The following HIBCH variants were observed in gnomAD, a reference collection of about 807,000 sequenced individuals.
HIBCH encodes 3-hydroxyisobutyryl-CoA hydrolase, mitochondrial.
In HIBCH, 50 loss-of-function variants were observed where a neutral mutation model predicts 58.2. That is an observed-to-expected ratio of 0.86 (90% confidence interval 0.68 to 1.09). The LOEUF (loss-of-function observed/expected upper bound fraction) is 1.09. Ranked by LOEUF, HIBCH falls within the 50% of genes least tolerant of loss-of-function variation. The pLI is 0.00. For missense variants in HIBCH, 450 were observed against 449.7 expected, an observed-to-expected ratio of 1.00 and a Z score of -0.01; for synonymous variants, 151 against 146.9, an observed-to-expected ratio of 1.03 and a Z score of -0.20.
intron 1 of HIBCH, among the ~76,000 whole-genome samples, chr2:190,196,631 C>T (rs1360333304): frequency 1.3e-5 from 2 of 150,720 alleles, no homozygotes. Context: ...TGTAAGGCAT[C>T]TGGCTTATGT....
rs755051398 is a variant in HIBCH, at chr2:190,296,949, A to G, written c.83T>C (p.Met28Thr). 1.2e-5 allele frequency: 19 copies of G among 1,613,982 alleles called. No homozygotes were observed. In the African/African-American group the frequency reaches 1.7e-4, roughly 15 times the overall value. Residue 28 changes from methionine (M) to threonine (T), a missense_variant, in exon 3 of 14, where the codon ATG (methionine) becomes ACG (threonine). Transcript: ENST00000359678. ...RTNTILHHLR[M>T]SKHTDAAEEV... Reference sequence around the variant, plus strand: ...TTCTGCTGCATCTGTGTGCTTGGACATTCTCTGTATAAACAAAGAATAACT... The same window carrying G: ...TTCTGCTGCATCTGTGTGCTTGGACGTTCTCTGTATAAACAAAGAATAACT...
rs988371044 is a variant in HIBCH, at chr2:190,214,313, G to C, written c.892-1238C>G. On this transcript the variant is annotated intron_variant, in intron 11 of 13. Coordinates refer to ENST00000359678, the MANE Select transcript of HIBCH (RefSeq NM_014362.4). This position sits in a 1 kb window ranked among gnomAD's most constrained non-coding sequence, Gnocchi z 5.5. The stretch of plus-strand genomic sequence containing the variant: ...GAGTGTGCAAGAAACCTCCAGTAAG[G>C]GGGGCTGAGTACACAGCAAAAACCT... 2 of 152,220 alleles carry C rather than the reference G, an allele frequency of 1.3e-5. No individual in the cohort carries two copies. Among genetic ancestry groups the C allele is most frequent in the Non-Finnish European group, 2.9e-5 (2 of 68,114 alleles). 9.4% of individuals were successfully genotyped at this position (152,220 alleles called of 1,614,324 possible). A position where few individuals can be genotyped will look rare whatever the true frequency, so the allele number is the denominator to read the frequency against.
At chr2:190,246,384 T>C (rs1686609087) in intron 9 of HIBCH, among the ~76,000 whole-genome samples, 172 bp from the exon 10 acceptor site, 1 of 152,252 alleles carries the variant, frequency 6.6e-6, no homozygotes, top group South Asian at 2.1e-4. Context: ...AGACAGCATG[T>C]AGAACTCTAG....
chr2:190,218,450 A>G (rs1182606970), intron 11 of HIBCH, among the ~76,000 whole-genome samples: 2 of 152,196 alleles, frequency 1.3e-5, no homozygotes, highest in African/African-American at 4.8e-5. Flanking sequence ...AAGGGATTCC[A>G]TGGGACAGTT....
In HIBCH at chr2:190,296,818, G is replaced by T; in HGVS notation, c.214C>A (p.Leu72Ile). 1 of 1,613,426 alleles carries T rather than the reference G, an allele frequency of 6.2e-7. No homozygotes were observed. The highest frequency in any genetic ancestry group is 1.3e-5 in the African/African-American group (1 of 74,998). The change falls in exon 3 of 14, where the codon CTA becomes ATA. Residue 72 changes from leucine to isoleucine, a missense_variant. Leu to Ile is a conservative substitution (Grantham distance 5). Coordinates refer to ENST00000359678, the MANE Select transcript of HIBCH (RefSeq NM_014362.4). ...LNMIRQIYPQ[L>I]KKWEQDPETF... ...GCAATAAGAAAATTACAAACCTTTA[G>T]CTGTGGATAAATCTGCCGAATCATA... is the stretch of plus-strand genomic sequence containing the variant.
chr2:190,237,958 A>G (rs913770525), intron 11 of HIBCH, among the ~76,000 whole-genome samples: 2 of 152,058 alleles, frequency 1.3e-5, no homozygotes, highest in African/African-American at 4.8e-5. Context: ...GCCGAGAATG[A>G]TGGTTTCCAG....
chr2:190,246,097 T>C, intron 10 of HIBCH, 57 bp downstream of exon 10: 1 of 1,004,024 alleles, frequency 1.0e-6, no homozygotes, highest in South Asian at 1.3e-5. Context: ...TGTTAGCAAA[T>C]TCATTTTAAC....
chr2:190,296,186 C>T (rs566592401), intron 3 of HIBCH, among the ~76,000 whole-genome samples: 2 of 152,098 alleles, frequency 1.3e-5, no homozygotes, highest in East Asian at 1.9e-4. Flanking sequence ...TTTGGGAGGC[C>T]GAGGCAGATA....
At chr2:190,237,971 T>C (rs1043647180) in intron 11 of HIBCH, among the ~76,000 whole-genome samples, 2 of 152,196 alleles carry the variant, frequency 1.3e-5, no homozygotes, top group African/African-American at 4.8e-5. Context: ...GTTTCCAGCT[T>C]CATCCATGTC....
chr2:190,223,571 G>A (rs1685794541), intron 11 of HIBCH, among the ~76,000 whole-genome samples: 1 of 152,206 alleles, frequency 6.6e-6, no homozygotes, highest in Non-Finnish European at 1.5e-5. Context: ...AGAAGAAAAT[G>A]TGCCAATAAC....
intron 2 of HIBCH, among the ~76,000 whole-genome samples, chr2:190,297,678 G>A (rs888717060): frequency 2.0e-5 from 3 of 152,154 alleles, no homozygotes; most frequent in African/African-American, 7.2e-5. Flanking sequence ...TAAAACACCT[G>A]TAAGGAACAC....
downstream of HIBCH, chr2:190,200,894 C>T (rs897984461): frequency 9.0e-5 from 15 of 166,954 alleles, no homozygotes; most frequent in African/African-American, 3.4e-4. Flanking sequence ...AAGAGCAATC[C>T]AATAAATCTT....
At chr2:190,289,169 A>C (rs960668605) in intron 5 of HIBCH, among the ~76,000 whole-genome samples, 1 of 152,162 alleles carries the variant, frequency 6.6e-6, no homozygotes, top group African/African-American at 2.4e-5. Flanking sequence ...TACTATTTTA[A>C]ATACTTTAAT....
intron 2 of HIBCH, among the ~76,000 whole-genome samples, chr2:190,302,500 G>A (rs1346876944): frequency 6.6e-6 from 1 of 152,156 alleles, no homozygotes; most frequent in African/African-American, 2.4e-5. Context: ...CATCATCAGT[G>A]GTCTTTTATT....
intron 6 of HIBCH, among the ~76,000 whole-genome samples, chr2:190,285,684 T>G (rs1257384832): frequency 6.6e-6 from 1 of 152,058 alleles, no homozygotes; most frequent in Non-Finnish European, 1.5e-5. Flanking sequence ...AGGCTCTACC[T>G]ACCTGGGCCC....
In HIBCH at chr2:190,207,904, AAAAAC is replaced by A. The variant is rs1690430404; in HGVS notation, c.1045+971_1045+975del. 1.3e-5 allele frequency among the ~76,000 whole-genome samples: 2 copies of A among 148,688 alleles called. No homozygotes were observed. The highest frequency in any genetic ancestry group is 5.0e-5 in the African/African-American group (2 of 40,048). ...TCCAAAAAAAATAAAATAAAATAAA[AAAAAC>A]AAAGGATATCCAGAGTCTGCACTAT... is the stretch of plus-strand genomic sequence containing the variant. On this transcript the variant is annotated intron_variant, in intron 13 of 13. Coordinates refer to ENST00000359678, the MANE Select transcript of HIBCH (RefSeq NM_014362.4). This position sits in a 1 kb window ranked among gnomAD's most constrained non-coding sequence, Gnocchi z 4.5.
rs115062096 is a variant in HIBCH at position 190,253,431 on chromosome 2, A to G, written c.518-1124T>C. Among the ~76,000 whole-genome samples, 807 of 152,274 alleles carry G rather than the reference A, an allele frequency of 5.3e-3. 11 individuals are homozygous for G. Among genetic ancestry groups the G allele is most frequent in the African/African-American group, 0.018 (734 of 41,542 alleles). On this transcript the variant is annotated intron_variant, in intron 7 of 13. Coordinates refer to ENST00000359678, the MANE Select transcript of HIBCH (RefSeq NM_014362.4). ...AAGCATCATGCTCCTGTAAACAGAA[A>G]TATCTCTTAGTATCTCAAACTAGCT...
chr2:190,247,599 T>C (rs1249863691), intron 9 of HIBCH, among the ~76,000 whole-genome samples: 1 of 152,232 alleles, frequency 6.6e-6, no homozygotes, highest in African/African-American at 2.4e-5. Flanking sequence ...CTTGGAATAA[T>C]ACCTCTAGTT....
At chr2:190,196,177 G>C (rs1689967270) in intron 1 of HIBCH, among the ~76,000 whole-genome samples, 1 of 151,804 alleles carries the variant, frequency 6.6e-6, no homozygotes, top group African/African-American at 2.4e-5. Context: ...GTCTTCTTCT[G>C]GGTTAAACGT....
Sources: gnomAD v4.1 joint callset for allele counts (sites outside exome capture counted in the v4.1 genomes callset) on GRCh38, gnomAD v4.1.1 for gene constraint, Gnocchi (gnomAD v3.1) non-coding constraint, MANE v1.5 for transcripts, NCBI Gene and HGNC (gene_info 2026-07-23, HGNC 2026-07-21) for gene names.